AFAP1: variants seen among roughly 807,000 people sequenced by gnomAD.
AFAP1 encodes actin filament-associated protein 1.
In AFAP1, 75 loss-of-function variants were observed where a neutral mutation model predicts 93.9. The observed-to-expected ratio is 0.80, with a 90% CI of 0.66 to 0.97. The LOEUF (loss-of-function observed/expected upper bound fraction) is 0.97, where lower values mean the gene tolerates loss of function less well. Ranked by LOEUF, AFAP1 falls within the 50% of genes least tolerant of loss-of-function variation. The pLI is 0.00. For missense variants in AFAP1, 1,201 were observed against 1,050.8 expected, an observed-to-expected ratio of 1.14 and a Z score of -1.98; for synonymous variants, 517 against 430.7, an observed-to-expected ratio of 1.20 and a Z score of -2.48.
At chr4:7,823,104 G>A (rs1165757502) in intron 6 of AFAP1, among the ~76,000 whole-genome samples, 2 of 151,918 alleles carry the variant, frequency 1.3e-5, no homozygotes, top group Non-Finnish European at 2.9e-5. Context: ...GCCCTTCTGT[G>A]TGGTCCATAA....
chr4:7,862,934 T>C (rs28503942), intron 3 of AFAP1, among the ~76,000 whole-genome samples: 46,760 of 152,066 alleles, frequency 0.31, 7,437 homozygotes, highest in South Asian at 0.45. Flanking sequence ...CGCTTATCCA[T>C]TTAGACCCCT....
At chr4:7,825,645 A>C (rs1470538776) in intron 6 of AFAP1, among the ~76,000 whole-genome samples, 2 of 152,220 alleles carry the variant, frequency 1.3e-5, no homozygotes, top group African/African-American at 4.8e-5. Flanking sequence ...AAAAGGCTAA[A>C]AACTCAATTA....
At chr4:7,825,582 G>A (rs1021671345) in intron 6 of AFAP1, among the ~76,000 whole-genome samples, 26 of 152,096 alleles carry the variant, frequency 1.7e-4, no homozygotes, top group African/African-American at 5.8e-4. Context: ...AGAGGGTGCC[G>A]TTAACACTGT....
At chr4:7,835,851 C>T (rs1424240830) in intron 6 of AFAP1, among the ~76,000 whole-genome samples, 2 of 151,268 alleles carry the variant, frequency 1.3e-5, no homozygotes, top group African/African-American at 4.9e-5. Context: ...CTTGAGGTTA[C>T]CTGGGTGGCT....
chr4:7,834,779 C>T (rs1712077182), intron 6 of AFAP1, among the ~76,000 whole-genome samples: 1 of 152,248 alleles, frequency 6.6e-6, no homozygotes, highest in Non-Finnish European at 1.5e-5. Flanking sequence ...TGGCAAAATA[C>T]CCATAAGCAG....
chr4:7,861,843 A>C (rs890958187), intron 3 of AFAP1: 1 of 152,276 alleles, frequency 6.6e-6, no homozygotes. Context: ...CGCCACAGGA[A>C]AATGAATGAT....
intron 7 of AFAP1, among the ~76,000 whole-genome samples, chr4:7,818,855 T>C (rs1720708492): frequency 6.6e-6 from 1 of 152,240 alleles, no homozygotes; most frequent in Non-Finnish European, 1.5e-5. Flanking sequence ...AATCCATTGC[T>C]TCATCTGTAG....
At chr4:7,813,550 A>G (rs968413048) in intron 8 of AFAP1, among the ~76,000 whole-genome samples, 15 of 152,218 alleles carry the variant, frequency 9.9e-5, no homozygotes, top group Non-Finnish European at 2.2e-4. Context: ...CAGAAAATGA[A>G]CCAACCAAAC....
intron 4 of AFAP1, among the ~76,000 whole-genome samples, chr4:7,853,985 C>T (rs1234268834): frequency 6.6e-6 from 1 of 152,186 alleles, no homozygotes; most frequent in Non-Finnish European, 1.5e-5. Context: ...ACGTGCAGCT[C>T]CTCAGAATAA....
At chr4:7,775,449 C>A (rs1715999727) in intron 14 of AFAP1, 1 of 152,526 alleles carries the variant, frequency 6.6e-6, no homozygotes, top group Non-Finnish European at 1.5e-5. Context: ...GGAGTAATAT[C>A]AAAAATAATG....
At chr4:7,931,004 G>A (rs1014406828) in intron 1 of AFAP1, among the ~76,000 whole-genome samples, 3 of 152,168 alleles carry the variant, frequency 2.0e-5, no homozygotes, top group South Asian at 4.2e-4. Context: ...TGCCTGCCTC[G>A]GCCTCCCAAA....
chr4:7,860,544 C>T (rs551912659), intron 3 of AFAP1, among the ~76,000 whole-genome samples: 12 of 152,294 alleles, frequency 7.9e-5, no homozygotes, highest in African/African-American at 2.6e-4. Context: ...CAGAAAATAA[C>T]AGTCAGATGT....
chr4:7,816,059 A>C lies in AFAP1; in HGVS notation c.863T>G (p.Val288Gly). The change falls in exon 8 of 18, where the codon GTT (valine) becomes GGT (glycine). Residue 288 changes from valine to glycine, a missense_variant. Coordinates refer to ENST00000420658, the MANE Select transcript of AFAP1 (RefSeq NM_001134647.2). ...ACATGTGGTAATTCCATTTTCCACA[A>C]CACCCTCCCCATCTGAGCTGGGTCT... is the stretch of plus-strand genomic sequence containing the variant. ...SERPSSDGEG[V>G]VENGITTCNG... 1 of 1,613,226 alleles carries C rather than the reference A, an allele frequency of 6.2e-7. No homozygotes were observed. Among genetic ancestry groups the C allele is most frequent in the African/African-American group, 1.3e-5 (1 of 74,992 alleles).
At chr4:7,889,661 A>G (rs1718333943) in intron 1 of AFAP1, among the ~76,000 whole-genome samples, 1 of 149,376 alleles carries the variant, frequency 6.7e-6, no homozygotes, top group African/African-American at 2.5e-5. Flanking sequence ...TGTGAGGTTT[A>G]TTGTACATCA....
intron 11 of AFAP1, 131 bp downstream of exon 11, chr4:7,793,550 G>A (rs1718091273): frequency 2.7e-6 from 3 of 1,092,532 alleles, no homozygotes; most frequent in Non-Finnish European, 2.4e-6. Flanking sequence ...TTTGGCTTAA[G>A]ATAATGCAAA....
intron 1 of AFAP1, among the ~76,000 whole-genome samples, chr4:7,923,593 C>T (rs1025479242): frequency 6.6e-6 from 1 of 152,228 alleles, no homozygotes; most frequent in African/African-American, 2.4e-5. Flanking sequence ...ATTCTCCTGC[C>T]TCAGCCTCCC....
chr4:7,854,231 A>T (rs1714781094), intron 4 of AFAP1, among the ~76,000 whole-genome samples: 1 of 152,220 alleles, frequency 6.6e-6, no homozygotes, highest in South Asian at 2.1e-4. Flanking sequence ...AGAGTTGGTA[A>T]ATTATTCTCA....
rs545462557 is a variant in AFAP1, at chr4:7,833,796, T to C, written c.726+4728A>G. 2.0e-5 allele frequency among the ~76,000 whole-genome samples: 3 copies of C among 151,972 alleles called. No individual in the cohort carries two copies. The South Asian group carries it at 6.2e-4, about 32-fold the overall frequency. ...GTAGACACAGGGTTTCACCGTGTTA[T>C]CCAGGATAGTCCCGATCTCCTGACC... On this transcript the variant is annotated intron_variant, in intron 6 of 17. Coordinates refer to ENST00000420658, the MANE Select transcript of AFAP1 (RefSeq NM_001134647.2).
chr4:7,840,911 G>A (rs80244754), intron 5 of AFAP1, among the ~76,000 whole-genome samples: 3,445 of 152,294 alleles, frequency 0.023, 114 homozygotes, highest in African/African-American at 0.069. Flanking sequence ...GGTACAGAGT[G>A]ATGCTTTGAT....
Sources: gnomAD v4.1 joint callset for allele counts (sites outside exome capture counted in the v4.1 genomes callset) on GRCh38, gnomAD v4.1.1 for gene constraint, MANE v1.5 for transcripts, NCBI Gene and HGNC (gene_info 2026-07-23, HGNC 2026-07-21) for gene names.